The following HNF1B variants were observed in gnomAD, a reference collection of about 807,000 sequenced individuals.
The protein encoded by HNF1B is HNF1 homeobox B.
In HNF1B, 8 loss-of-function variants were observed where a neutral mutation model predicts 61.7. The observed-to-expected ratio is 0.13, with a 90% CI of 0.08 to 0.23. The LOEUF (loss-of-function observed/expected upper bound fraction) is 0.23, where lower values mean the gene tolerates loss of function less well. Among genes scored for constraint, HNF1B ranks in the 10% least tolerant of loss-of-function variants. HNF1B has a pLI of 1.00. For synonymous variants in HNF1B, 314 were observed against 287.7 expected, an observed-to-expected ratio of 1.09 and a Z score of -0.93; for missense variants, 562 against 714.5, an observed-to-expected ratio of 0.79 and a Z score of 2.43.
chr17:37,741,075 A>T (rs983166509), intron 1 of HNF1B, among the ~76,000 whole-genome samples: 2 of 152,230 alleles, frequency 1.3e-5, no homozygotes, highest in Admixed American at 6.5e-5. Context: ...TATATATATT[A>T]GCTTGATAGA....
chr17:37,703,474 T>C (rs1162569341), intron 6 of HNF1B, among the ~76,000 whole-genome samples: 1 of 152,034 alleles, frequency 6.6e-6, no homozygotes, highest in African/African-American at 2.4e-5. Context: ...AGAAGTTAAG[T>C]GGGACAGTTT....
intron 4 of HNF1B, among the ~76,000 whole-genome samples, chr17:37,712,813 T>C (rs1568647402): frequency 6.6e-6 from 1 of 152,178 alleles, no homozygotes; most frequent in Non-Finnish European, 1.5e-5. Context: ...TCTATACAGT[T>C]TCTTGCAAAA....
At chr17:37,739,686 G>C (rs373754835) in intron 1 of HNF1B, 47 bp from the exon 2 acceptor site, 2 of 1,477,186 alleles carry the variant, frequency 1.4e-6, no homozygotes, top group Middle Eastern at 1.7e-4. Flanking sequence ...AGACATCTGG[G>C]GAGAAACATT....
chr17:37,715,010 G>A (rs959979658), intron 4 of HNF1B, among the ~76,000 whole-genome samples: 1 of 151,992 alleles, frequency 6.6e-6, no homozygotes, highest in Non-Finnish European at 1.5e-5. Flanking sequence ...CAATCTTAAT[G>A]CACTTCTCAA....
intron 1 of HNF1B, among the ~76,000 whole-genome samples, chr17:37,743,440 T>C (rs930934473): frequency 2.0e-5 from 3 of 152,062 alleles, no homozygotes; most frequent in Admixed American, 1.3e-4. Flanking sequence ...GGAAAAAAAA[T>C]CTACAAGTTC....
At chr17:37,723,295 C>G (rs997448416) in intron 4 of HNF1B, among the ~76,000 whole-genome samples, 1 of 151,584 alleles carries the variant, frequency 6.6e-6, no homozygotes, top group African/African-American at 2.4e-5. Context: ...TGCAGTGAGC[C>G]GAGATCGCGC....
At chr17:37,739,950 A>T (rs2033945379) in intron 1 of HNF1B, among the ~76,000 whole-genome samples, 1 of 151,520 alleles carries the variant, frequency 6.6e-6, no homozygotes, top group Non-Finnish European at 1.5e-5. Flanking sequence ...GTTTTATTTA[A>T]TTAATTAATT....
chr17:37,731,537 C>T (rs768251553), intron 4 of HNF1B, 58 bp downstream of exon 4: 80 of 1,394,964 alleles, frequency 5.7e-5, no homozygotes, highest in Middle Eastern at 1.8e-4. Context: ...AGATAAGATC[C>T]GTGGCAAGAA....
At chr17:37,737,487 A>G (rs919781157) in intron 2 of HNF1B, among the ~76,000 whole-genome samples, 4 of 152,218 alleles carry the variant, frequency 2.6e-5, no homozygotes, top group African/African-American at 7.2e-5. Context: ...TAATAGTTAC[A>G]GAAGGAAGGA....
chr17:37,689,629 G>A (rs539157185), intron 8 of HNF1B, among the ~76,000 whole-genome samples: 1 of 152,332 alleles, frequency 6.6e-6, no homozygotes, highest in Admixed American at 6.5e-5. Flanking sequence ...GCCCCACGGG[G>A]GCCTGGCCCA....
At position 37,744,738 on chromosome 17, in the gene HNF1B, G is replaced by A; in HGVS notation, c.147C>T (p.Ser49=). 6.2e-7 allele frequency: 1 copy of A among 1,613,528 alleles called. No homozygotes were observed. Among genetic ancestry groups the A allele is most frequent in the Non-Finnish European group, 8.5e-7 (1 of 1,180,030 alleles). The part of the protein sequence containing the change: ...FGVKLETLPL[S]PGSGAEPDTK... Reference sequence around the variant, plus strand: ...TGTCGGGCTCGGCCCCGCTGCCAGGGGACAGGGGCAGCGTCTCCAGCTTCA... The same window carrying A: ...TGTCGGGCTCGGCCCCGCTGCCAGGAGACAGGGGCAGCGTCTCCAGCTTCA... The change falls in exon 1 of 9, where the codon TCC becomes TCT. Residue 49 remains serine (S), a synonymous_variant. Transcript: ENST00000617811.
intron 5 of HNF1B, 24 bp from the exon 6 acceptor site, chr17:37,705,073 G>T: frequency 6.2e-7 from 1 of 1,609,020 alleles, no homozygotes; most frequent in Non-Finnish European, 8.5e-7. Context: ...AAAAACAAGA[G>T]AAACATGGGT....
rs567279438 is a variant in HNF1B, at chr17:37,740,789, T to C, written c.345-1150A>G. Among the ~76,000 whole-genome samples the C allele has an allele frequency of 1.2e-4, 19 of 152,338 alleles. 1 individual carries two copies. In the South Asian group the frequency reaches 3.7e-3, roughly 30 times the overall value. On this transcript the variant is annotated intron_variant, in intron 1 of 8. Coordinates refer to ENST00000617811, the MANE Select transcript of HNF1B (RefSeq NM_000458.4). ...TTTTAAATACTGGATAAGAACATGGTTATACTTTTCATTTCTCATAAACAC... is the reference window on the plus strand; with the variant it reads ...TTTTAAATACTGGATAAGAACATGGCTATACTTTTCATTTCTCATAAACAC...
intron 1 of HNF1B, among the ~76,000 whole-genome samples, chr17:37,743,271 G>A (rs554833917): frequency 2.0e-5 from 3 of 152,296 alleles, no homozygotes; most frequent in East Asian, 3.9e-4. Flanking sequence ...GCTCCTAGGG[G>A]CCACTCTCTC....
chr17:37,732,733 G>A (rs529534179), intron 3 of HNF1B, among the ~76,000 whole-genome samples: 10 of 152,340 alleles, frequency 6.6e-5, no homozygotes, highest in Admixed American at 3.3e-4. Flanking sequence ...AGCTATTTAG[G>A]AGGCCAAGGC....
At chr17:37,696,449 T>TATAA (rs1210798767) in intron 8 of HNF1B, among the ~76,000 whole-genome samples, 2 of 152,090 alleles carry the variant, frequency 1.3e-5, no homozygotes, top group Middle Eastern at 6.8e-3. Flanking sequence ...AACATAAAAA[T>TATAA]ATAAATAAAT....
chr17:37,693,812 C>T (rs567761932), intron 8 of HNF1B, among the ~76,000 whole-genome samples: 6 of 152,190 alleles, frequency 3.9e-5, no homozygotes, highest in African/African-American at 1.2e-4. Flanking sequence ...AATGGCTCAG[C>T]GCCATCCCCT....
chr17:37,734,126 G>T (rs1032823636), intron 2 of HNF1B, among the ~76,000 whole-genome samples: 9 of 152,162 alleles, frequency 5.9e-5, no homozygotes, highest in African/African-American at 1.9e-4. Flanking sequence ...CAGAGATGAA[G>T]CAACACTCTG....
At position 37,687,331 on chromosome 17, in the gene HNF1B, G is replaced by A; in HGVS notation, c.*41C>T. 1 of 1,614,128 alleles carries A rather than the reference G, an allele frequency of 6.2e-7. No homozygotes were observed. Among genetic ancestry groups the A allele is most frequent in the Non-Finnish European group, 8.5e-7 (1 of 1,180,036 alleles). On this transcript the variant is annotated 3_prime_UTR_variant, in exon 9 of 9. Transcript: ENST00000617811. The stretch of plus-strand genomic sequence containing the variant: ...CCAGAGGGTGATGGTGTGGAAAACA[G>A]GGTCCTTGTTGTTGCGCACGAAGTA...
Sources: gnomAD v4.1 joint callset for allele counts (sites outside exome capture counted in the v4.1 genomes callset) on GRCh38, gnomAD v4.1.1 for gene constraint, MANE v1.5 for transcripts, NCBI Gene and HGNC (gene_info 2026-07-23, HGNC 2026-07-21) for gene names.